Variants in CCDC171 observed in about 807,000 individuals in gnomAD.
CCDC171 encodes coiled-coil domain containing 171.
Under a neutral mutation model 168.2 loss-of-function variants are expected in CCDC171, and 177 were observed. That is an observed-to-expected ratio of 1.05 (90% confidence interval 0.93 to 1.19). CCDC171 has a LOEUF of 1.19. Ranked by LOEUF, CCDC171 falls within the 50% of genes most tolerant of loss-of-function variation. The pLI, the probability that CCDC171 is intolerant of heterozygous loss-of-function variation, is 0.00. For missense variants in CCDC171, 1,991 were observed against 1,539.0 expected, an observed-to-expected ratio of 1.29 and a Z score of -4.91; for synonymous variants, 687 against 540.8, an observed-to-expected ratio of 1.27 and a Z score of -3.75.
intron 18 of CCDC171, among the ~76,000 whole-genome samples, chr9:15,766,003 G>A (rs537496397): frequency 5.5e-4 from 83 of 152,240 alleles, no homozygotes; most frequent in African/African-American, 1.6e-3. Context: ...CGGAGGACAC[G>A]TTTGTTTACT....
chr9:15,824,529 A>T (rs895565660), intron 21 of CCDC171, among the ~76,000 whole-genome samples: 1 of 152,082 alleles, frequency 6.6e-6, no homozygotes, highest in Non-Finnish European at 1.5e-5. Context: ...AAGTACTTTG[A>T]TTCACATGAT....
intron 6 of CCDC171, among the ~76,000 whole-genome samples, chr9:15,609,806 G>A (rs1009329933): frequency 6.6e-6 from 1 of 152,034 alleles, no homozygotes; most frequent in African/African-American, 2.4e-5. Flanking sequence ...GGTGAGGGAG[G>A]GGTTATTCTT....
chr9:15,985,908 T>C (rs1831970394), intron 3 of CCDC171, among the ~76,000 whole-genome samples: 1 of 152,216 alleles, frequency 6.6e-6, no homozygotes, highest in Non-Finnish European at 1.5e-5. Context: ...GTTGATGAAG[T>C]CAGATAGACT....
chr9:15,564,189 A>G (rs1025063227), intron 2 of CCDC171, 60 bp downstream of exon 2: 2 of 1,293,984 alleles, frequency 1.5e-6, no homozygotes, highest in Admixed American at 3.9e-5. Flanking sequence ...GAACAGGGAG[A>G]AGTCAGTGGT....
intron 24 of CCDC171, among the ~76,000 whole-genome samples, chr9:15,896,855 T>G (rs1395402945): frequency 1.3e-5 from 2 of 152,062 alleles, no homozygotes; most frequent in Non-Finnish European, 2.9e-5. Flanking sequence ...CCCTAATACA[T>G]GTAGGACCGA....
chr9:16,077,612 C>T, the CCDC171 span, among the ~76,000 whole-genome samples: 1 of 152,198 alleles, frequency 6.6e-6, no homozygotes, highest in Non-Finnish European at 1.5e-5. Flanking sequence ...GAGCTCTAAA[C>T]CCAACCCACA....
chr9:15,947,479 C>G (rs536708888), intron 25 of CCDC171, among the ~76,000 whole-genome samples: 22 of 152,080 alleles, frequency 1.4e-4, no homozygotes, highest in African/African-American at 4.3e-4. Flanking sequence ...TGGCCTATTT[C>G]ACTTAGCATA....
At chr9:15,828,629 A>G (rs192885776) in intron 21 of CCDC171, among the ~76,000 whole-genome samples, 97 of 152,292 alleles carry the variant, frequency 6.4e-4, no homozygotes, top group African/African-American at 2.3e-3. Flanking sequence ...CAGAATAGAG[A>G]GGACCATCAT....
upstream of CCDC171, among the ~76,000 whole-genome samples, chr9:16,037,916 A>G (rs891234908): frequency 1.3e-5 from 2 of 152,164 alleles, no homozygotes; most frequent in East Asian, 3.9e-4. Flanking sequence ...TTTTTTTACA[A>G]TGTCTAAAAG....
intron 24 of CCDC171, among the ~76,000 whole-genome samples, chr9:15,903,357 C>G (rs934935624): frequency 6.6e-6 from 1 of 152,148 alleles, no homozygotes; most frequent in Non-Finnish European, 1.5e-5. Flanking sequence ...GATCAGGCGG[C>G]AACCTTTGCT....
intron 24 of CCDC171, among the ~76,000 whole-genome samples, chr9:15,892,186 C>A (rs781541968): frequency 6.6e-6 from 1 of 152,112 alleles, no homozygotes; most frequent in African/African-American, 2.4e-5. Flanking sequence ...ATTTGAATAG[C>A]CTTTATTTCT....
intron 25 of CCDC171, among the ~76,000 whole-genome samples, chr9:15,958,258 C>A (rs2132590539): frequency 6.6e-6 from 1 of 152,180 alleles, no homozygotes; most frequent in Non-Finnish European, 1.5e-5. Context: ...AAGGAGTGAA[C>A]ACTCTAAGCC....
intron 24 of CCDC171, among the ~76,000 whole-genome samples, chr9:15,882,298 T>A (rs926895726): frequency 3.3e-5 from 5 of 152,216 alleles, no homozygotes; most frequent in Admixed American, 6.5e-5. Context: ...TTTGTTATTT[T>A]GCTATTGAGT....
At chr9:15,969,735 C>G (rs1392401668) in intron 25 of CCDC171, among the ~76,000 whole-genome samples, 1 of 152,198 alleles carries the variant, frequency 6.6e-6, no homozygotes, top group Non-Finnish European at 1.5e-5. Context: ...GCTCTTCCAG[C>G]ATTCCCCTAA....
intron 19 of CCDC171, 149 bp from the exon 20 acceptor site, chr9:15,778,818 TA>T (rs2057493621): frequency 2.1e-6 from 1 of 478,632 alleles, no homozygotes; most frequent in Non-Finnish European, 3.4e-6. Flanking sequence ...ATTGGTCACA[TA>T]AAAAATAAAG....
At chr9:15,983,862 A>C in intron 3 of CCDC171, among the ~76,000 whole-genome samples, 1 of 86,274 alleles carries the variant, frequency 1.2e-5, no homozygotes, top group Admixed American at 1.1e-4. Flanking sequence ...GTGTGTTGGC[A>C]TTTGGAAATC....
intron 3 of CCDC171, among the ~76,000 whole-genome samples, chr9:16,002,950 T>C (rs147039980): frequency 2.3e-3 from 349 of 152,230 alleles, no homozygotes; most frequent in Middle Eastern, 6.8e-3. Context: ...TGTAGATGGC[T>C]ATACCGTCTA....
chr9:16,035,674 T>C (rs1887671), intron 7 of CCDC171: 143,953 of 152,332 alleles, frequency 0.94, 68,128 homozygotes, highest in African/African-American at 0.98. Context: ...TGAGCATGGC[T>C]TTATAGCTTT....
chr9:15,793,963 T>G (rs1203261103), intron 21 of CCDC171, among the ~76,000 whole-genome samples: 1 of 152,120 alleles, frequency 6.6e-6, no homozygotes, highest in East Asian at 1.9e-4. Flanking sequence ...TTTTCAAACC[T>G]TATTCCTTTA....
Sources: allele counts gnomAD v4.1 joint callset (sites outside exome capture counted in the v4.1 genomes callset), GRCh38; gene constraint gnomAD v4.1.1; transcripts MANE v1.5; gene names NCBI Gene and HGNC (gene_info 2026-07-23, HGNC 2026-07-21).